PRKG1: variants seen among roughly 807,000 people sequenced by gnomAD.
PRKG1 encodes the protein protein kinase cGMP-dependent 1, also known as cGMP-dependent protein kinase 1.
PRKG1 carries 35 observed loss-of-function variants against 88.1 expected under a neutral mutation model. That is an observed-to-expected ratio of 0.40 (90% CI 0.30 to 0.53). PRKG1 has a LOEUF of 0.53. Ranked by LOEUF, PRKG1 falls within the 20% of genes least tolerant of loss-of-function variation. PRKG1 has a pLI of 0.59. For synonymous variants in PRKG1, 303 were observed against 292.5 expected (o/e 1.04, Z -0.37); for missense variants, 540 against 839.8 (o/e 0.64, Z 4.41).
chr10:51,540,907 C>G (rs541236612), intron 3 of PRKG1, among the ~76,000 whole-genome samples: 1 of 151,994 alleles, frequency 6.6e-6, no homozygotes, highest in East Asian at 1.9e-4. Context: ...TTAGAAGAGA[C>G]GGGGTTTCAC....
At chr10:51,997,370 C>T (rs983493939) in intron 5 of PRKG1, among the ~76,000 whole-genome samples, 3 of 150,682 alleles carry the variant, frequency 2.0e-5, no homozygotes, top group African/African-American at 7.3e-5. Flanking sequence ...ACTCGGGAGG[C>T]TGAGGCACAA....
chr10:51,716,731 T>C (rs2132443137), intron 3 of PRKG1, among the ~76,000 whole-genome samples: 1 of 152,316 alleles, frequency 6.6e-6, no homozygotes. Context: ...CTCTGTCTGT[T>C]GCACAGGCCA....
At chr10:51,953,684 A>T (rs1218337835) in intron 5 of PRKG1, among the ~76,000 whole-genome samples, 1 of 151,478 alleles carries the variant, frequency 6.6e-6, no homozygotes, top group Non-Finnish European at 1.5e-5. Flanking sequence ...TTAAATGAAC[A>T]TTCTCCATGG....
chr10:51,586,246 G>T (rs1158531710), intron 3 of PRKG1, among the ~76,000 whole-genome samples: 1 of 152,150 alleles, frequency 6.6e-6, no homozygotes, highest in Non-Finnish European at 1.5e-5. Context: ...GCTATAGGGA[G>T]CCACTGAAGG....
chr10:51,391,591 A>T (rs1396631383), intron 2 of PRKG1, among the ~76,000 whole-genome samples: 1 of 152,108 alleles, frequency 6.6e-6, no homozygotes, highest in Non-Finnish European at 1.5e-5. Context: ...GGTAGGGAGG[A>T]TTTTACCACC....
chr10:51,177,523 T>C (rs1837226934), intron 2 of PRKG1, among the ~76,000 whole-genome samples: 1 of 152,158 alleles, frequency 6.6e-6, no homozygotes, highest in African/African-American at 2.4e-5. Flanking sequence ...TCACATCCTC[T>C]TTTTCTGTTT....
At chr10:51,143,228 T>C (rs1845863767) in intron 1 of PRKG1, among the ~76,000 whole-genome samples, 1 of 152,112 alleles carries the variant, frequency 6.6e-6, no homozygotes, top group Non-Finnish European at 1.5e-5. Context: ...TGAGATCGTG[T>C]GGTATTCATC....
chr10:51,148,869 C>G (rs1219621297), intron 1 of PRKG1, among the ~76,000 whole-genome samples: 1 of 152,180 alleles, frequency 6.6e-6, no homozygotes, highest in East Asian at 1.9e-4. Context: ...ATCATTTATT[C>G]TTTATGTCTG....
intron 2 of PRKG1, among the ~76,000 whole-genome samples, chr10:51,370,484 A>AAG (rs897758498): frequency 1.1e-4 from 15 of 142,010 alleles, no homozygotes; most frequent in Admixed American, 4.3e-4. Flanking sequence ...AAGAGACAGA[A>AAG]AGAGAGAGAG....
At position 51,733,457 on chromosome 10, in the gene PRKG1, AC is replaced by A. The variant is rs1392185365; in HGVS notation, c.593-71127del. Among the ~76,000 whole-genome samples the A allele has an allele frequency of 4.6e-5, 7 of 152,342 alleles. No homozygotes were observed. The East Asian group carries it at 1.4e-3, about 29-fold the overall frequency. On this transcript the variant is annotated intron_variant, in intron 3 of 17. Coordinates refer to ENST00000373980, the MANE Select transcript of PRKG1 (RefSeq NM_006258.4). Reference sequence around the variant, plus strand: ...GAACGTCTTGAACCAACTAATAGTAACATCAATAATAAATCTGAACCAATGA... The same window carrying A: ...GAACGTCTTGAACCAACTAATAGTAAATCAATAATAAATCTGAACCAATGA...
intron 4 of PRKG1, among the ~76,000 whole-genome samples, chr10:51,861,187 A>G (rs931257724): frequency 6.6e-6 from 1 of 152,240 alleles, no homozygotes; most frequent in African/African-American, 2.4e-5. Flanking sequence ...CTGGTGTCTG[A>G]GTTCAAATAT....
At chr10:51,137,203 G>A (rs1845708978) in intron 1 of PRKG1, among the ~76,000 whole-genome samples, 1 of 152,116 alleles carries the variant, frequency 6.6e-6, no homozygotes, top group South Asian at 2.1e-4. Flanking sequence ...ATTTCTTAAA[G>A]TGAATAGGAA....
chr10:51,114,188 T>C (rs751672028), intron 1 of PRKG1, among the ~76,000 whole-genome samples: 7 of 152,144 alleles, frequency 4.6e-5, no homozygotes, highest in Non-Finnish European at 8.8e-5. Flanking sequence ...ATTGCTCCTA[T>C]ACGACATGAT....
intron 1 of PRKG1, among the ~76,000 whole-genome samples, chr10:51,054,410 A>T (rs1843603387): frequency 6.6e-6 from 1 of 152,186 alleles, no homozygotes; most frequent in Non-Finnish European, 1.5e-5. Context: ...ATTAAATGTT[A>T]CCAGGGAGGT....
intron 1 of PRKG1, among the ~76,000 whole-genome samples, chr10:51,084,629 G>GTAAATA (rs1844203100): frequency 6.6e-6 from 1 of 152,046 alleles, no homozygotes; most frequent in African/African-American, 2.4e-5. Context: ...TAAAACATGA[G>GTAAATA]TAAATACCTT....
At chr10:51,210,869 G>C (rs892849187) in intron 2 of PRKG1, among the ~76,000 whole-genome samples, 2 of 152,074 alleles carry the variant, frequency 1.3e-5, no homozygotes, top group Non-Finnish European at 2.9e-5. Context: ...ATTCACAGCC[G>C]AATTCTACCA....
chr10:51,084,841 T>C (rs1308530400), intron 1 of PRKG1, among the ~76,000 whole-genome samples: 3 of 152,190 alleles, frequency 2.0e-5, no homozygotes, highest in South Asian at 2.1e-4. Context: ...TGATGACAAA[T>C]ACACTCTAGT....
chr10:51,236,272 T>C (rs563374538), intron 2 of PRKG1, among the ~76,000 whole-genome samples: 1 of 152,270 alleles, frequency 6.6e-6, no homozygotes, highest in Admixed American at 6.5e-5. Context: ...TGACCTTAAC[T>C]CTGCAATGAT....
rs1303021822 is a variant in PRKG1, at chr10:52,052,708, T to C, written c.763-1776T>C. Reference sequence around the variant, plus strand: ...CCCCTTATAAAACCATCAGGTCTCATGAGACTTCTTTACTACCACAAGAAC... The same window carrying C: ...CCCCTTATAAAACCATCAGGTCTCACGAGACTTCTTTACTACCACAAGAAC... On this transcript the variant is annotated intron_variant, in intron 5 of 17. Transcript: ENST00000373980. Among the ~76,000 whole-genome samples, 11 of 152,278 alleles carry C rather than the reference T, an allele frequency of 7.2e-5. No individual in the cohort carries two copies. The East Asian group carries it at 2.1e-3, about 29-fold the overall frequency.
Sources: allele counts gnomAD v4.1 joint callset (sites outside exome capture counted in the v4.1 genomes callset), GRCh38; gene constraint gnomAD v4.1.1; transcripts MANE v1.5; gene names NCBI Gene and HGNC (gene_info 2026-07-23, HGNC 2026-07-21).